CACNA1F: variants seen among roughly 807,000 people sequenced by gnomAD.
CACNA1F encodes calcium voltage-gated channel subunit alpha1 F, also known as voltage-dependent L-type calcium channel subunit alpha-1F.
In CACNA1F, 59 loss-of-function variants were observed where a neutral mutation model predicts 143.8. The observed-to-expected ratio is 0.41, with a 90% confidence interval of 0.33 to 0.51. CACNA1F has a LOEUF of 0.51. Among genes scored for constraint, CACNA1F ranks in the 20% least tolerant of loss-of-function variants. CACNA1F has a pLI of 0.22. For synonymous variants in CACNA1F, 643 were observed against 649.1 expected (o/e 0.99, Z 0.14); for missense variants, 1,411 against 1,647.5 (o/e 0.86, Z 2.48).
intron 47 of CACNA1F, 90 bp downstream of exon 47, chrX:49,205,526 A>G: frequency 1.0e-6 from 1 of 955,589 alleles, no homozygotes; most frequent in Non-Finnish European, 1.5e-6. Context: ...TGCACAACAC[A>G]GGACCTGGGG....
Position 49,211,424 on chromosome X carries a change from C to T in CACNA1F, c.4158G>A (p.Arg1386=), listed in dbSNP as rs1569527795. The T allele has an allele frequency of 1.2e-5, 15 of 1,210,575 alleles. No individual in the cohort carries two copies. The highest frequency in any genetic ancestry group is 1.3e-5 in the Non-Finnish European group (12 of 894,482). ...EIMLASLPGN[R]CDPESDFGPG... Reference sequence around the variant, plus strand: ...GGCCGAAGTCAGACTCAGGATCACACCGATTTCCGGGAAGGCTGGCAAGCA... The same window carrying T: ...GGCCGAAGTCAGACTCAGGATCACATCGATTTCCGGGAAGGCTGGCAAGCA... Residue 1386 remains arginine (R), a synonymous_variant, in exon 36 of 48, where the codon CGG becomes CGA. Coordinates refer to ENST00000323022, the MANE Select transcript of CACNA1F (RefSeq NM_001256789.3).
intron 20 of CACNA1F, 52 bp from the exon 21 acceptor site, chrX:49,219,502 A>C (rs1389853264): frequency 8.4e-7 from 1 of 1,185,477 alleles, no homozygotes; most frequent in Non-Finnish European, 1.1e-6. Flanking sequence ...AGAATTGTTC[A>C]GGGATTCCAA....
intron 43 of CACNA1F, among the ~76,000 whole-genome samples, chrX:49,207,555 C>T (rs187163060): frequency 9.0e-6 from 1 of 110,803 alleles, no homozygotes; most frequent in East Asian, 2.9e-4. Flanking sequence ...CTCAGCCTCC[C>T]AAGTAGCTGG....
chrX:49,215,171 C>G lies in CACNA1F; in HGVS notation c.3512G>C (p.Arg1171Pro). 1 of 1,210,159 alleles carries G rather than the reference C, an allele frequency of 8.3e-7. No homozygotes were observed. The highest frequency in any genetic ancestry group is 1.1e-6 in the Non-Finnish European group (1 of 894,351). ...AGCAGAGTTCACAGTGGCCCACACA[C>G]GATACTGATGCGGGTTCTTGGGGAT... is the stretch of plus-strand genomic sequence containing the variant. ...RYIPKNPHQYRVWATVNSAAF... is the reference protein window; with the variant it reads ...RYIPKNPHQYPVWATVNSAAF... Residue 1171 changes from arginine (R) to proline (P), a missense_variant, in exon 29 of 48, where the codon CGT becomes CCT. Around this residue, in one of 3 missense-constraint regions of CACNA1F, gnomAD observed 950 missense variants for 1,128.1 expected, o/e 0.84. Transcript: ENST00000323022.
intron 27 of CACNA1F, 90 bp downstream of exon 27, chrX:49,216,291 GT>G: frequency 1.0e-6 from 1 of 974,073 alleles, no homozygotes; most frequent in Non-Finnish European, 1.5e-6. Flanking sequence ...CATCCCCAAG[GT>G]ACACTCCCAC....
At chrX:49,233,086 G>C (rs1018361719) in intron 1 of CACNA1F, among the ~76,000 whole-genome samples, 199 bp downstream of exon 1, 3 of 109,534 alleles carry the variant, frequency 2.7e-5, no homozygotes, top group East Asian at 2.9e-4. Flanking sequence ...GAGGCCATGG[G>C]GGGTGGTGTC....
chrX:49,209,596 G>A (rs1394148921), intron 41 of CACNA1F, 33 bp downstream of exon 41: 7 of 1,208,833 alleles, frequency 5.8e-6, no homozygotes, highest in South Asian at 1.8e-5. Flanking sequence ...ACTGCCACAC[G>A]TGCCCATCCA....
chrX:49,220,397 T>C, intron 19 of CACNA1F, 76 bp downstream of exon 19: 1 of 736,182 alleles, frequency 1.4e-6, no homozygotes, highest in Non-Finnish European at 2.1e-6. Flanking sequence ...GAGGAGGGTC[T>C]CAGGGGTCAG....
At chrX:49,215,589 T>G in intron 27 of CACNA1F, 46 bp from the exon 28 acceptor site, 12 of 759,418 alleles carry the variant, frequency 1.6e-5, no homozygotes, top group Non-Finnish European at 2.4e-5. Context: ...GGTGAGGGGA[T>G]ATCCCAGCCC....
rs782252232 is a variant in CACNA1F at position 49,209,339 on chromosome X, A to C, written c.4876T>G (p.Cys1626Gly). The change falls in exon 42 of 48, where the codon TGT becomes GGT. Residue 1626 changes from cysteine (C) to glycine (G), a missense_variant. Physicochemically the swap from Cys to Gly is radical, Grantham distance 159. Transcript: ENST00000323022. ...LGPEMRQALT[C>G]DTEEEEEEGQ... is the part of the protein sequence containing the mutation. ...TCTTCTTCCTCCTCCTCTGTGTCAC[A>C]GGTGAGGGCCTGCCGCATCTCAGGA... The C allele has an allele frequency of 1.7e-6, 2 of 1,208,119 alleles. No individual in the cohort carries two copies.
At chrX:49,223,595 CAAAA>C (rs58022930) in intron 14 of CACNA1F, among the ~76,000 whole-genome samples, 114 of 23,659 alleles carry the variant, frequency 4.8e-3, no homozygotes, top group Non-Finnish European at 6.7e-3. Flanking sequence ...GACTCTGTCT[CAAAA>C]AAAAAAAAAA....
chrX:49,226,736 T>C (rs2065829522), intron 9 of CACNA1F, 34 bp from the exon 10 acceptor site: 3 of 1,113,370 alleles, frequency 2.7e-6, no homozygotes, highest in Admixed American at 5.2e-5. Flanking sequence ...AGGGAGGACA[T>C]ACTGGGGGCA....
Position 49,205,077 on chromosome X carries a change from G to A in CACNA1F, c.*60C>T. 3 of 888,085 alleles carry A rather than the reference G, an allele frequency of 3.4e-6. No individual in the cohort carries two copies. In the South Asian group the frequency reaches 6.2e-5, roughly 18 times the overall value. The allele number at this position is 888,085 out of a possible 1,213,427, so 73.2% of individuals were successfully genotyped here. On this transcript the variant is annotated 3_prime_UTR_variant, in exon 48 of 48. Coordinates refer to ENST00000323022, the MANE Select transcript of CACNA1F (RefSeq NM_001256789.3). The stretch of plus-strand genomic sequence containing the variant: ...AAATCCAGGGATGTGGTCCATGCCT[G>A]CCTCCTGCTGGGGAGGGGAGGGCAG...
intron 2 of CACNA1F, 118 bp from the exon 3 acceptor site, chrX:49,231,425 C>G: frequency 1.3e-5 from 8 of 632,391 alleles, no homozygotes; most frequent in Admixed American, 2.6e-5. Context: ...CTGGCATTCT[C>G]GACCCCTGCC....
intron 27 of CACNA1F, 54 bp from the exon 28 acceptor site, chrX:49,215,597 C>T: frequency 3.9e-6 from 3 of 778,397 alleles, no homozygotes; most frequent in East Asian, 3.4e-5. Context: ...GATATCCCAG[C>T]CCCCTCAGAC....
rs782658023 is a variant in CACNA1F, at chrX:49,206,824, G to A, written c.5263C>T (p.Pro1755Ser). ...LSYLDEQAGT[P>S]PCSVLLPPHR... ...GGTGGCAAAAGGACTGAGCACGGGG[G>A]AGTCCCTGCCTGCTCATCTAGGTAG... is the stretch of plus-strand genomic sequence containing the variant. The change falls in exon 45 of 48, where the codon CCC becomes TCC. Residue 1755 changes from proline to serine, a missense_variant. Transcript: ENST00000323022. 5.0e-6 allele frequency: 6 copies of A among 1,202,717 alleles called. No homozygotes were observed. In the Admixed American group the frequency reaches 1.3e-4, roughly 26 times the overall value.
intron 2 of CACNA1F, 128 bp from the exon 3 acceptor site, chrX:49,231,435 C>A: frequency 1.6e-6 from 1 of 612,868 alleles, no homozygotes; most frequent in Non-Finnish European, 2.7e-6. Flanking sequence ...CGACCCCTGC[C>A]CTGACAAGGC....
chrX:49,212,405 C>T (rs2065666219), intron 33 of CACNA1F, 97 bp from the exon 34 acceptor site: 1 of 725,810 alleles, frequency 1.4e-6, no homozygotes, highest in South Asian at 2.3e-5. Context: ...CCTGGGCCTA[C>T]TGGGAGATGC....
At position 49,231,368 on chromosome X, in the gene CACNA1F, G is replaced by A. The variant is rs782230643; in HGVS notation, c.276-61C>T. On this transcript the variant is annotated intron_variant, in intron 2 of 47. Transcript: ENST00000323022. ...GCATTGGAACCCCCCTACTCCCTTG[G>A]GAACCTCCCACCCAGTGCTGACCCT... The A allele has an allele frequency of 7.0e-4, 595 of 852,807 alleles. 3 individuals carry two copies. In the South Asian group the frequency reaches 0.012, roughly 17 times the overall value. 70.3% of individuals were successfully genotyped at this position (852,807 alleles called of 1,213,427 possible).
Sources: allele counts gnomAD v4.1 joint callset (sites outside exome capture counted in the v4.1 genomes callset), GRCh38; gene constraint gnomAD v4.1.1; regional missense constraint gnomAD v4.1.1; transcripts MANE v1.5; gene names NCBI Gene and HGNC (gene_info 2026-07-23, HGNC 2026-07-21).